Variants in ZP1 observed in about 807,000 individuals in gnomAD.
ZP1 encodes the protein zona pellucida sperm-binding protein 1.
In ZP1, 58 loss-of-function variants were observed where a neutral mutation model predicts 67.4. The observed-to-expected ratio is 0.86, with a 90% CI of 0.70 to 1.07. The LOEUF is 1.07. ZP1 is among the 50% of genes least tolerant of loss of function. ZP1 has a pLI of 0.00. For missense variants in ZP1, 759 were observed against 807.3 expected (o/e 0.94, Z 0.72); for synonymous variants, 333 against 332.7 (o/e 1.00, Z -0.01).
chr11:60,871,977 T>C (rs974117140), intron 6 of ZP1, among the ~76,000 whole-genome samples: 4 of 152,210 alleles, frequency 2.6e-5, no homozygotes, highest in Non-Finnish European at 5.9e-5. Flanking sequence ...AATCTTGTGC[T>C]TGACACTGCA....
chr11:60,870,305 A>T, intron 3 of ZP1, 27 bp from the exon 4 acceptor site: 7 of 1,531,198 alleles, frequency 4.6e-6, no homozygotes, highest in Non-Finnish European at 6.1e-6. Flanking sequence ...GTGTGCCTTC[A>T]GCCTCATCAC....
At chr11:60,871,448 C>A in intron 6 of ZP1, 134 bp downstream of exon 6, 1 of 940,122 alleles carries the variant, frequency 1.1e-6, no homozygotes, top group South Asian at 1.5e-5. Flanking sequence ...TGATCTTAGG[C>A]AAGGGGCCCA....
At chr11:60,869,026 G>A in intron 1 of ZP1, 119 bp from the exon 2 acceptor site, 1 of 1,236,630 alleles carries the variant, frequency 8.1e-7, no homozygotes, top group East Asian at 2.4e-5. Context: ...CAAACTAATA[G>A]CAAAGCTAAG....
intron 9 of ZP1, among the ~76,000 whole-genome samples, chr11:60,874,287 T>G (rs1478247353): frequency 6.6e-6 from 1 of 152,250 alleles, no homozygotes; most frequent in Admixed American, 6.5e-5. Flanking sequence ...TAGACTGATT[T>G]CACTTGGAAG....
chr11:60,869,697 A>G lies in ZP1; in HGVS notation c.479A>G (p.Gln160Arg). 3 of 1,614,006 alleles carry G rather than the reference A, an allele frequency of 1.9e-6. No homozygotes were observed. Among genetic ancestry groups the G allele is most frequent in the Non-Finnish European group, 2.5e-6 (3 of 1,179,968 alleles). ...PPAMFSVSTP[Q>R]TLSFLPTSGH... ...GCCATGTTCTCTGTCTCAACCCCAC[A>G]AACCCTTTCCTTCCTCCCCACCTCT... is the stretch of plus-strand genomic sequence containing the variant. The change falls in exon 3 of 12, where the codon CAA becomes CGA. Residue 160 changes from glutamine to arginine, a missense_variant. By Grantham distance (43) the Gln-to-Arg change is conservative. Transcript: ENST00000278853.
Position 60,873,347 on chromosome 11 carries a change from CCTGGCTCATGAGTCA to C in ZP1, c.1241-25_1241-11del, listed in dbSNP as rs769628094. The C allele has an allele frequency of 6.3e-7, 1 of 1,593,392 alleles. No homozygotes were observed. Among genetic ancestry groups the C allele is most frequent in the South Asian group, 1.1e-5 (1 of 89,740 alleles). On this transcript the variant is annotated splice_polypyrimidine_tract_variant and intron_variant, in intron 7 of 11. Coordinates refer to ENST00000278853, the MANE Select transcript of ZP1 (RefSeq NM_207341.4). The stretch of plus-strand genomic sequence containing the variant: ...CCCACTTCCCTGATGCACAGCCCGC[CCTGGCTCATGAGTCA>C]CTCTCCCTGCAGACGAGACCTTCAG...
chr11:60,869,269 A>G lies in ZP1; in HGVS notation c.318+3A>G. On this transcript the variant is annotated splice_donor_region_variant and intron_variant, in intron 2 of 11. Transcript: ENST00000278853. ...GAGGCTGCCACGTGCTGGAGAAGGT[A>G]GGGGTTGTTCATGCTCTGGCACAGG... 6.2e-7 allele frequency: 1 copy of G among 1,614,116 alleles called. No homozygotes were observed. The highest frequency in any genetic ancestry group is 8.5e-7 in the Non-Finnish European group (1 of 1,179,990).
At chr11:60,875,352 T>C in intron 11 of ZP1, 104 bp downstream of exon 11, 1 of 1,523,208 alleles carries the variant, frequency 6.6e-7, no homozygotes, top group Non-Finnish European at 8.8e-7. Flanking sequence ...GGGCAAGAGA[T>C]GGTGTCACTG....
intron 4 of ZP1, 122 bp from the exon 5 acceptor site, chr11:60,870,835 T>C (rs1199163748): frequency 8.8e-6 from 10 of 1,133,276 alleles, no homozygotes; most frequent in African/African-American, 6.2e-5. Context: ...AACACCAGCC[T>C]AAGTGGAGAG....
chr11:60,873,032 G>GTAGCATCCATC, intron 6 of ZP1, 130 bp from the exon 7 acceptor site: 1 of 1,044,764 alleles, frequency 9.6e-7, no homozygotes, highest in Admixed American at 2.4e-5. Context: ...TATTGCTTAA[G>GTAGCATCCATC]TAGCATCCAT....
chr11:60,868,966 TGTG>T (rs1054290896), intron 1 of ZP1, among the ~76,000 whole-genome samples, 176 bp from the exon 2 acceptor site: 1 of 152,180 alleles, frequency 6.6e-6, no homozygotes, highest in Non-Finnish European at 1.5e-5. Context: ...CCCTTACAGC[TGTG>T]GAAACTGAGA....
At chr11:60,867,826 C>G (rs865962073) in intron 1 of ZP1, 69 bp downstream of exon 1, 3 of 1,539,638 alleles carry the variant, frequency 1.9e-6, no homozygotes, top group Non-Finnish European at 2.6e-6. Flanking sequence ...GAGCTGGGAC[C>G]CTTCCCCTGA....
Position 60,869,557 on chromosome 11 carries a change from G to A in ZP1, c.339G>A (p.Arg113=), listed in dbSNP as rs1194170743. 1 of 1,609,428 alleles carries A rather than the reference G, an allele frequency of 6.2e-7. No individual in the cohort carries two copies. The highest frequency in any genetic ancestry group is 1.7e-5 in the Admixed American group (1 of 59,800). The stretch of plus-strand genomic sequence containing the variant: ...TGCAGGATGGGCGTTTCCACCTGAG[G>A]GTGTTCATGGAGGCTGTGCTGCCCA... ...VLEKDGRFHL[R]VFMEAVLPNG... is the part of the protein sequence containing the mutation. Residue 113 remains arginine, a synonymous_variant, in exon 3 of 12, where the codon AGG becomes AGA. Transcript: ENST00000278853.
intron 8 of ZP1, 22 bp from the exon 9 acceptor site, chr11:60,873,612 C>G: frequency 6.2e-7 from 1 of 1,614,136 alleles, no homozygotes; most frequent in South Asian, 1.1e-5. Context: ...CTGTAAACAG[C>G]CTCTCTGACT....
At position 60,869,844 on chromosome 11, in the gene ZP1, C is replaced by T. The variant is rs768600771; in HGVS notation, c.626C>T (p.Ala209Val). The T allele has an allele frequency of 6.3e-7, 1 of 1,599,796 alleles. No individual in the cohort carries two copies. Among genetic ancestry groups the T allele is most frequent in the South Asian group, 1.1e-5 (1 of 88,514 alleles). The change falls in exon 3 of 12, where the codon GCT becomes GTT. Residue 209 changes from alanine to valine, a missense_variant. Ala to Val is a moderately conservative substitution (Grantham distance 64). Coordinates refer to ENST00000278853, the MANE Select transcript of ZP1 (RefSeq NM_207341.4). Reference sequence around the variant, plus strand: ...CCTGGACCTACCCTCGCCACCCTGGCTCAACCCCACTGGGGCACCTTGGAA... The same window carrying T: ...CCTGGACCTACCCTCGCCACCCTGGTTCAACCCCACTGGGGCACCTTGGAA... ...PGPGPTLATL[A>V]QPHWGTLEHW...
chr11:60,869,038 C>T, intron 1 of ZP1, 107 bp from the exon 2 acceptor site: 1 of 1,388,288 alleles, frequency 7.2e-7, no homozygotes. Context: ...AAAGCTAAGG[C>T]AAGAACCCAG....
chr11:60,872,180 C>T (rs1855584290), intron 6 of ZP1, among the ~76,000 whole-genome samples: 1 of 152,138 alleles, frequency 6.6e-6, no homozygotes, highest in Non-Finnish European at 1.5e-5. Flanking sequence ...GCCTGGGCAA[C>T]ACAGCGAGAC....
intron 1 of ZP1, among the ~76,000 whole-genome samples, chr11:60,868,885 T>G (rs557259756): frequency 6.6e-6 from 1 of 152,328 alleles, no homozygotes; most frequent in East Asian, 1.9e-4. Context: ...CCACCTCATC[T>G]TCGTGCCTGC....
intron 3 of ZP1, 46 bp from the exon 4 acceptor site, chr11:60,870,286 T>A: frequency 6.8e-7 from 1 of 1,460,794 alleles, no homozygotes; most frequent in Non-Finnish European, 9.1e-7. Flanking sequence ...GGGCCATGAT[T>A]TGCAAACTGT....
Sources: allele counts gnomAD v4.1 joint callset (sites outside exome capture counted in the v4.1 genomes callset), GRCh38; gene constraint gnomAD v4.1.1; transcripts MANE v1.5; gene names NCBI Gene and HGNC (gene_info 2026-07-23, HGNC 2026-07-21).